The following ANGPT4 variants were observed in gnomAD, a reference collection of about 807,000 sequenced individuals.
ANGPT4 encodes the protein angiopoietin 4.
A neutral mutation model predicts 53.0 loss-of-function variants in ANGPT4; 50 were observed. The observed-to-expected ratio is 0.94, with a 90% CI of 0.75 to 1.20. The LOEUF (loss-of-function observed/expected upper bound fraction) is 1.20. Ranked by LOEUF, ANGPT4 falls within the 50% of genes most tolerant of loss-of-function variation. The probability of loss-of-function intolerance (pLI) is 0.00; values close to 1 mark genes in which losing one functional copy is unlikely to be tolerated. For synonymous variants in ANGPT4, 251 were observed against 259.7 expected (o/e 0.97, Z 0.32); for missense variants, 648 against 637.1 (o/e 1.02, Z -0.18).
At chr20:901,954 T>C (rs1350374669) in intron 1 of ANGPT4, among the ~76,000 whole-genome samples, 1 of 152,094 alleles carries the variant, frequency 6.6e-6, no homozygotes, top group Non-Finnish European at 1.5e-5. Context: ...TTGAGCTACA[T>C]CAGATGCTGA....
At chr20:875,146 C>T (rs1350829562) in intron 7 of ANGPT4, among the ~76,000 whole-genome samples, 1 of 152,032 alleles carries the variant, frequency 6.6e-6, no homozygotes, top group Non-Finnish European at 1.5e-5. Context: ...CATGCGAAAA[C>T]AGAAATCCCA....
At chr20:899,540 A>G (rs1266921823) in intron 1 of ANGPT4, among the ~76,000 whole-genome samples, 1 of 151,932 alleles carries the variant, frequency 6.6e-6, no homozygotes, top group African/African-American at 2.4e-5. Flanking sequence ...GGCATGAACC[A>G]CCGCCCCCGG....
intron 4 of ANGPT4, among the ~76,000 whole-genome samples, chr20:884,218 C>T (rs959007929): frequency 3.9e-5 from 6 of 152,236 alleles, no homozygotes; most frequent in Non-Finnish European, 4.4e-5. Flanking sequence ...CCTTCTCCTT[C>T]GCACAGCCTT....
chr20:902,213 G>A (rs919427817), intron 1 of ANGPT4, among the ~76,000 whole-genome samples: 1 of 152,134 alleles, frequency 6.6e-6, no homozygotes, highest in Admixed American at 6.5e-5. Context: ...AAAGTAGAAT[G>A]AGAGTGTATA....
chr20:892,812 G>T (rs979028123), intron 1 of ANGPT4, among the ~76,000 whole-genome samples: 3 of 152,058 alleles, frequency 2.0e-5, no homozygotes, highest in African/African-American at 7.2e-5. Flanking sequence ...GACGACAGGC[G>T]AGCACCACCA....
intron 1 of ANGPT4, among the ~76,000 whole-genome samples, chr20:890,871 C>G (rs1423186265): frequency 1.3e-5 from 2 of 152,206 alleles, no homozygotes; most frequent in Non-Finnish European, 2.9e-5. Context: ...CTCACTGTTC[C>G]CTCTGGAATC....
intron 1 of ANGPT4, among the ~76,000 whole-genome samples, chr20:898,865 G>A (rs933332775): frequency 5.3e-5 from 8 of 152,158 alleles, no homozygotes; most frequent in Non-Finnish European, 1.0e-4. Context: ...TCCACAGCCT[G>A]GGATTCCTCC....
intron 5 of ANGPT4, among the ~76,000 whole-genome samples, chr20:880,820 A>G (rs369448120): frequency 3.3e-5 from 5 of 152,202 alleles, no homozygotes. Context: ...CCTGCCTTCA[A>G]CTGGACTATA....
At position 914,050 on chromosome 20, in the gene ANGPT4, T is replaced by A. The variant is rs1435004895; in HGVS notation, c.309+1856A>T. The stretch of plus-strand genomic sequence containing the variant: ...AATTTTGTGTCATCACGGAGCAGGA[T>A]GGAGACCTGGGACCTGAGAGATTGG... On this transcript the variant is annotated intron_variant, in intron 1 of 8. Transcript: ENST00000381922. The surrounding 1 kb of genome is among the most constrained non-coding windows in gnomAD (Gnocchi z 5.0). Among the ~76,000 whole-genome samples the A allele has an allele frequency of 2.6e-5, 4 of 152,150 alleles. No homozygotes were observed. The highest frequency in any genetic ancestry group is 2.9e-5 in the Non-Finnish European group (2 of 68,030).
At chr20:912,537 C>T (rs1982745085) in intron 1 of ANGPT4, among the ~76,000 whole-genome samples, 1 of 152,190 alleles carries the variant, frequency 6.6e-6, no homozygotes, top group Non-Finnish European at 1.5e-5. Context: ...GAGCCCAGAG[C>T]TGACGTGCAG....
At chr20:876,521 G>C (rs567986129) in intron 7 of ANGPT4, among the ~76,000 whole-genome samples, 4 of 152,300 alleles carry the variant, frequency 2.6e-5, no homozygotes, top group African/African-American at 9.6e-5. Context: ...TTTGCTGAGC[G>C]TTTACTACAT....
rs764712383 is a variant in ANGPT4, at chr20:874,402, G to A, written c.1233C>T (p.Val411=). 128 of 1,613,402 alleles carry A rather than the reference G, an allele frequency of 7.9e-5. 1 individual carries two copies. The highest frequency in any genetic ancestry group is 2.5e-4 in the South Asian group (23 of 91,046). The part of the protein sequence containing the change: ...SENQLYRLSV[V]GYSGSAGRQS... Reference sequence around the variant, plus strand: ...GGCGCCCTGCTGAGCCGCTGTACCCGACCACAGAAAGCCTGGAGGCCACCC... The same window carrying A: ...GGCGCCCTGCTGAGCCGCTGTACCCAACCACAGAAAGCCTGGAGGCCACCC... Residue 411 remains valine, a synonymous_variant, in exon 8 of 9, where the codon GTC becomes GTT. Transcript: ENST00000381922.
intron 1 of ANGPT4, among the ~76,000 whole-genome samples, chr20:901,464 C>T: frequency 6.6e-6 from 1 of 152,188 alleles, no homozygotes; most frequent in East Asian, 1.9e-4. Context: ...TACCCAAATC[C>T]TATAAAACTG....
At chr20:894,446 C>T (rs998505089) in intron 1 of ANGPT4, among the ~76,000 whole-genome samples, 6 of 152,094 alleles carry the variant, frequency 3.9e-5, no homozygotes, top group African/African-American at 9.6e-5. Context: ...GGGGTGCCTT[C>T]GATGTCATTA....
At chr20:877,134 G>A (rs1468533390) in intron 7 of ANGPT4, among the ~76,000 whole-genome samples, 3 of 152,248 alleles carry the variant, frequency 2.0e-5, no homozygotes, top group African/African-American at 4.8e-5. Context: ...TCACTGAGAA[G>A]TTCCCAGAAG....
At chr20:889,159 G>C (rs1002190010) in intron 2 of ANGPT4, among the ~76,000 whole-genome samples, 4 of 152,136 alleles carry the variant, frequency 2.6e-5, no homozygotes, top group African/African-American at 9.7e-5. Flanking sequence ...TGCTGTATGA[G>C]CTTGCAGCTC....
chr20:890,414 G>A, intron 1 of ANGPT4, 46 bp from the exon 2 acceptor site: 3 of 1,555,378 alleles, frequency 1.9e-6, no homozygotes, highest in Admixed American at 1.7e-5. Flanking sequence ...GGCGGGGGAA[G>A]CCCCCTGTCC....
At chr20:913,150 C>T (rs1038239510) in intron 1 of ANGPT4, among the ~76,000 whole-genome samples, 1 of 152,108 alleles carries the variant, frequency 6.6e-6, no homozygotes, top group Non-Finnish European at 1.5e-5. Context: ...GATGATGATG[C>T]TGATGGTGCC....
intron 1 of ANGPT4, among the ~76,000 whole-genome samples, chr20:895,221 C>T (rs1365920940): frequency 6.6e-6 from 1 of 152,202 alleles, no homozygotes; most frequent in East Asian, 1.9e-4. Flanking sequence ...CTATGCCGTG[C>T]ACCGACTCCA....
Sources: gnomAD v4.1 joint callset for allele counts (sites outside exome capture counted in the v4.1 genomes callset) on GRCh38, gnomAD v4.1.1 for gene constraint, Gnocchi (gnomAD v3.1) non-coding constraint, MANE v1.5 for transcripts, NCBI Gene and HGNC (gene_info 2026-07-23, HGNC 2026-07-21) for gene names.